TAFA1: variants seen among roughly 807,000 people sequenced by gnomAD.
TAFA1 encodes the protein chemokine-like protein TAFA-1.
TAFA1 carries 4 observed loss-of-function variants against 18.5 expected under a neutral mutation model. The ratio of observed to expected loss-of-function variants is 0.22; its 90% CI spans 0.11 to 0.49. The LOEUF (loss-of-function observed/expected upper bound fraction) is 0.49. Among genes scored for constraint, TAFA1 ranks in the 20% least tolerant of loss-of-function variants. The probability of loss-of-function intolerance (pLI) is 0.98; values close to 1 mark genes in which losing one functional copy is unlikely to be tolerated. For missense variants in TAFA1, 147 were observed against 169.0 expected (o/e 0.87, Z 0.72); for synonymous variants, 56 against 55.2 (o/e 1.01, Z -0.06).
At chr3:68,073,369 T>C (rs1022949627) in intron 2 of TAFA1, among the ~76,000 whole-genome samples, 2 of 152,230 alleles carry the variant, frequency 1.3e-5, no homozygotes, top group Non-Finnish European at 2.9e-5. Context: ...CTAGCAAAGG[T>C]CCACAGGACT....
At chr3:68,180,927 A>G (rs2066190102) in intron 2 of TAFA1, among the ~76,000 whole-genome samples, 1 of 152,212 alleles carries the variant, frequency 6.6e-6, no homozygotes, top group Non-Finnish European at 1.5e-5. Flanking sequence ...TTGGGTTATA[A>G]AAGGTGGTGA....
chr3:67,999,241 G>GCTCT, the TAFA1 span, among the ~76,000 whole-genome samples: 1 of 114,658 alleles, frequency 8.7e-6, no homozygotes, highest in East Asian at 2.8e-4. Flanking sequence ...CTTGAATAGT[G>GCTCT]CTCTCTCTCT....
At chr3:68,352,625 C>T (rs971687012) in intron 2 of TAFA1, among the ~76,000 whole-genome samples, 10 of 152,014 alleles carry the variant, frequency 6.6e-5, no homozygotes, top group African/African-American at 2.4e-4. Context: ...TTGCTGCTGC[C>T]TAGCTGTCTT....
intron 2 of TAFA1, among the ~76,000 whole-genome samples, chr3:68,079,035 C>T (rs1229909283): frequency 6.6e-6 from 1 of 152,188 alleles, no homozygotes; most frequent in African/African-American, 2.4e-5. Flanking sequence ...CTGGTTTAGT[C>T]TTGGTAGAGG....
intron 3 of TAFA1, among the ~76,000 whole-genome samples, chr3:68,449,412 A>G (rs1302718387): frequency 6.6e-6 from 1 of 152,206 alleles, no homozygotes; most frequent in African/African-American, 2.4e-5. Context: ...TAGAGAATGT[A>G]GGCGGTATTT....
At chr3:68,258,959 A>G (rs1372389974) in intron 2 of TAFA1, among the ~76,000 whole-genome samples, 2 of 152,190 alleles carry the variant, frequency 1.3e-5, no homozygotes, top group East Asian at 1.9e-4. Flanking sequence ...AAGAGTGCCC[A>G]CGCAGTAACT....
chr3:68,028,539 C>T (rs578222201), intron 2 of TAFA1, among the ~76,000 whole-genome samples: 40 of 152,082 alleles, frequency 2.6e-4, no homozygotes, highest in Admixed American at 1.1e-3. Context: ...GAACAGAAGT[C>T]CCAGACATGA....
At chr3:68,207,257 T>G (rs1480524284) in intron 2 of TAFA1, among the ~76,000 whole-genome samples, 1 of 151,904 alleles carries the variant, frequency 6.6e-6, no homozygotes, top group Non-Finnish European at 1.5e-5. Context: ...ATTTTCTTAT[T>G]CTTGAAGCAG....
At chr3:68,008,927 C>T (rs764358571) in intron 2 of TAFA1, among the ~76,000 whole-genome samples, 7 of 151,634 alleles carry the variant, frequency 4.6e-5, no homozygotes, top group African/African-American at 7.3e-5. Flanking sequence ...TGGTTGGGGG[C>T]GGGGAGAGGT....
chr3:68,172,396 TTGA>T (rs1382752674), intron 2 of TAFA1, among the ~76,000 whole-genome samples: 7 of 152,128 alleles, frequency 4.6e-5, no homozygotes, highest in African/African-American at 7.2e-5. Context: ...GTGACAACTG[TTGA>T]TAAGGATGGA....
rs1202018809 is a variant in TAFA1, at chr3:68,292,390, A to G, written c.119-124890A>G. 2.7e-5 allele frequency among the ~76,000 whole-genome samples: 4 copies of G among 148,934 alleles called. No individual in the cohort carries two copies. The Admixed American group carries it at 2.7e-4, about 10-fold the overall frequency. On this transcript the variant is annotated intron_variant, in intron 2 of 4. Coordinates refer to ENST00000478136, the MANE Select transcript of TAFA1 (RefSeq NM_213609.4). Reference sequence around the variant, plus strand: ...GATTGCACCACAGCACCCCAGCCTGAGCAACAGAGTGAGACTCTGTCAAAA... The same window carrying G: ...GATTGCACCACAGCACCCCAGCCTGGGCAACAGAGTGAGACTCTGTCAAAA...
At chr3:68,522,030 A>G (rs2073035007) in intron 3 of TAFA1, among the ~76,000 whole-genome samples, 1 of 151,162 alleles carries the variant, frequency 6.6e-6, no homozygotes, top group African/African-American at 2.4e-5. Flanking sequence ...TCTATTTTTC[A>G]TAGATGGGGT....
intron 3 of TAFA1, among the ~76,000 whole-genome samples, chr3:68,475,336 T>A (rs1489977001): frequency 1.4e-5 from 2 of 147,866 alleles, no homozygotes; most frequent in Non-Finnish European, 3.0e-5. Context: ...CAGTCCCCTG[T>A]GTGTGATGTT....
At chr3:68,381,982 G>T (rs549191517) in intron 2 of TAFA1, among the ~76,000 whole-genome samples, 3 of 152,134 alleles carry the variant, frequency 2.0e-5, no homozygotes, top group East Asian at 1.9e-4. Context: ...TAGCATGAAG[G>T]GTTGTTGACT....
chr3:68,433,379 A>G (rs149735073), intron 3 of TAFA1, among the ~76,000 whole-genome samples: 138 of 152,190 alleles, frequency 9.1e-4, no homozygotes, highest in African/African-American at 3.0e-3. Flanking sequence ...AAGGATCTTC[A>G]TTCTTATTGC....
intron 2 of TAFA1, among the ~76,000 whole-genome samples, chr3:68,127,432 G>A (rs2065476897): frequency 1.3e-5 from 2 of 151,924 alleles, no homozygotes; most frequent in Non-Finnish European, 2.9e-5. Context: ...GCTGTTTTTG[G>A]TTATAATGTT....
intron 2 of TAFA1, among the ~76,000 whole-genome samples, chr3:68,213,815 C>A (rs867453064): frequency 6.6e-6 from 1 of 152,072 alleles, no homozygotes; most frequent in Non-Finnish European, 1.5e-5. Context: ...CCATTGGAGC[C>A]AGTGGGAAAG....
intron 2 of TAFA1, among the ~76,000 whole-genome samples, chr3:68,402,540 A>G (rs2070518161): frequency 6.6e-6 from 1 of 152,210 alleles, no homozygotes; most frequent in Non-Finnish European, 1.5e-5. Flanking sequence ...TACCTGAGTC[A>G]TAGTTAATGA....
At chr3:68,135,866 TG>T (rs1470897007) in intron 2 of TAFA1, among the ~76,000 whole-genome samples, 1 of 152,146 alleles carries the variant, frequency 6.6e-6, no homozygotes, top group African/African-American at 2.4e-5. Context: ...CACACATATT[TG>T]GGGGGAGGTG....
Sources: allele counts gnomAD v4.1 joint callset (sites outside exome capture counted in the v4.1 genomes callset), GRCh38; gene constraint gnomAD v4.1.1; transcripts MANE v1.5; gene names NCBI Gene and HGNC (gene_info 2026-07-23, HGNC 2026-07-21).